Variants in PTPRD observed in about 807,000 individuals in gnomAD.
PTPRD encodes the protein receptor-type tyrosine-protein phosphatase delta.
Under a neutral mutation model 214.5 loss-of-function variants are expected in PTPRD, and 34 were observed. The ratio of observed to expected loss-of-function variants is 0.16; its 90% CI spans 0.12 to 0.21. The LOEUF is 0.21. Among genes scored for constraint, PTPRD ranks in the 10% least tolerant of loss-of-function variants. PTPRD has a pLI of 1.00. For synonymous variants in PTPRD, 1,128 were observed against 845.7 expected, an observed-to-expected ratio of 1.33 and a Z score of -5.79; for missense variants, 2,545 against 2,398.7, an observed-to-expected ratio of 1.06 and a Z score of -1.27.
At chr9:9,264,671 A>C (rs1475946133) in intron 9 of PTPRD, among the ~76,000 whole-genome samples, 1 of 151,658 alleles carries the variant, frequency 6.6e-6, no homozygotes, top group East Asian at 2.0e-4. Context: ...ATAAACATCC[A>C]GATACGTGAA....
intron 2 of PTPRD, among the ~76,000 whole-genome samples, chr9:10,528,784 A>G (rs1425882473): frequency 6.6e-6 from 1 of 152,150 alleles, no homozygotes; most frequent in East Asian, 1.9e-4. Flanking sequence ...TTCTCTAACA[A>G]TTACTCCTTT....
chr9:8,580,762 A>G (rs1039703633), intron 14 of PTPRD, among the ~76,000 whole-genome samples: 2 of 152,184 alleles, frequency 1.3e-5, no homozygotes, highest in African/African-American at 2.4e-5. Context: ...AGCTATTTGT[A>G]TGTACTCACG....
intron 8 of PTPRD, among the ~76,000 whole-genome samples, chr9:9,482,628 A>T (rs976568172): frequency 6.6e-6 from 1 of 152,208 alleles, no homozygotes; most frequent in African/African-American, 2.4e-5. Context: ...ATTTACTGCC[A>T]TTCTCTTCTG....
At chr9:8,821,236 C>T (rs1301968252) in intron 11 of PTPRD, among the ~76,000 whole-genome samples, 4 of 152,170 alleles carry the variant, frequency 2.6e-5, no homozygotes, top group Non-Finnish European at 5.9e-5. Flanking sequence ...TAGCTGGCCA[C>T]ATACATGCTC....
intron 14 of PTPRD, among the ~76,000 whole-genome samples, chr9:8,543,197 C>A (rs2078942899): frequency 6.6e-6 from 1 of 152,146 alleles, no homozygotes; most frequent in South Asian, 2.1e-4. Flanking sequence ...ATATTGAAAA[C>A]AACCCAGAGC....
intron 14 of PTPRD, among the ~76,000 whole-genome samples, chr9:8,629,403 G>T (rs1397305318): frequency 6.6e-6 from 1 of 151,772 alleles, no homozygotes; most frequent in Non-Finnish European, 1.5e-5. Context: ...TGTATTACAT[G>T]GTTTCCTGCT....
chr9:9,616,232 A>C (rs1021225157), intron 7 of PTPRD, among the ~76,000 whole-genome samples: 4 of 152,130 alleles, frequency 2.6e-5, no homozygotes, highest in African/African-American at 9.7e-5. Flanking sequence ...CTTTTTTATA[A>C]GTATATCCCA....
intron 2 of PTPRD, among the ~76,000 whole-genome samples, chr9:10,399,653 C>T (rs2098236826): frequency 6.6e-6 from 1 of 151,796 alleles, no homozygotes; most frequent in South Asian, 2.1e-4. Context: ...TATGTGGAGG[C>T]TTGTTCAGAG....
At chr9:10,311,576 C>T (rs886667600) in intron 3 of PTPRD, among the ~76,000 whole-genome samples, 11 of 151,966 alleles carry the variant, frequency 7.2e-5, no homozygotes, top group Admixed American at 3.3e-4. Flanking sequence ...ATTTATTTAG[C>T]AACTATTTAT....
At chr9:9,484,437 T>C (rs530140737) in intron 8 of PTPRD, among the ~76,000 whole-genome samples, 1 of 152,290 alleles carries the variant, frequency 6.6e-6, no homozygotes, top group East Asian at 1.9e-4. Flanking sequence ...TTCCTGGGCA[T>C]ATGAAAATGT....
intron 8 of PTPRD, 66 bp from the exon 9 acceptor site, chr9:9,397,548 T>G (rs1377960649): frequency 6.6e-6 from 1 of 152,380 alleles, no homozygotes; most frequent in African/African-American, 2.4e-5. Context: ...TCAAATTGTC[T>G]TCAAACACAT....
chr9:8,732,122 G>A (rs1289626101), intron 12 of PTPRD, among the ~76,000 whole-genome samples: 1 of 152,192 alleles, frequency 6.6e-6, no homozygotes, highest in Non-Finnish European at 1.5e-5. Flanking sequence ...CCAGTAAGAT[G>A]ACGGTTATCT....
rs1042859916 is a variant in PTPRD at position 8,676,053 on chromosome 9, C to T, written c.65-39209G>A. 2.0e-5 allele frequency among the ~76,000 whole-genome samples: 3 copies of T among 152,192 alleles called. No individual in the cohort carries two copies. The East Asian group carries it at 5.8e-4, about 29-fold the overall frequency. ...TGACCAATAGTGAGTGCCTTTCATA[C>T]AAACCTATACAATAACCACAGCAAA... is the stretch of plus-strand genomic sequence containing the variant. On this transcript the variant is annotated intron_variant, in intron 12 of 45. Transcript: ENST00000381196.
At chr9:9,822,854 T>TA (rs1175762911) in intron 5 of PTPRD, among the ~76,000 whole-genome samples, 1 of 152,064 alleles carries the variant, frequency 6.6e-6, no homozygotes, top group Non-Finnish European at 1.5e-5. Flanking sequence ...GGAATGCTCA[T>TA]ACACTGTTGG....
At chr9:9,099,647 T>A (rs973880536) in intron 10 of PTPRD, among the ~76,000 whole-genome samples, 5 of 152,188 alleles carry the variant, frequency 3.3e-5, no homozygotes, top group African/African-American at 4.8e-5. Flanking sequence ...ATTGTAATTA[T>A]GTTTTTAAGA....
At chr9:9,843,441 C>T (rs1250034781) in intron 5 of PTPRD, among the ~76,000 whole-genome samples, 2 of 151,586 alleles carry the variant, frequency 1.3e-5, no homozygotes, top group Non-Finnish European at 2.9e-5. Flanking sequence ...TGACCTTGGC[C>T]AAGTTACTTA....
At chr9:8,525,436 C>T (rs570914149) in intron 17 of PTPRD, among the ~76,000 whole-genome samples, 106 of 151,756 alleles carry the variant, frequency 7.0e-4, no homozygotes, top group African/African-American at 2.5e-3. Flanking sequence ...AAGATAGGTA[C>T]GCTCAAAAAA....
intron 3 of PTPRD, among the ~76,000 whole-genome samples, chr9:10,089,805 T>A (rs546109418): frequency 6.6e-6 from 1 of 151,744 alleles, no homozygotes; most frequent in Admixed American, 6.6e-5. Context: ...GTGACGGGCA[T>A]CGGGGCAACC....
At chr9:9,934,261 A>T (rs2088161315) in intron 5 of PTPRD, among the ~76,000 whole-genome samples, 2 of 150,242 alleles carry the variant, frequency 1.3e-5, no homozygotes, top group South Asian at 4.2e-4. Context: ...AGACACAAAA[A>T]ACCCTTCAAA....
Sources: gnomAD v4.1 joint callset for allele counts (sites outside exome capture counted in the v4.1 genomes callset) on GRCh38, gnomAD v4.1.1 for gene constraint, MANE v1.5 for transcripts, NCBI Gene and HGNC (gene_info 2026-07-23, HGNC 2026-07-21) for gene names.